The following MBOAT2 variants were observed in gnomAD, a reference collection of about 807,000 sequenced individuals.
MBOAT2 encodes the protein membrane bound glycerophospholipid O-acyltransferase 2.
In MBOAT2, 28 loss-of-function variants were observed where a neutral mutation model predicts 63.4. The observed-to-expected ratio is 0.44, with a 90% CI of 0.33 to 0.61. The LOEUF (loss-of-function observed/expected upper bound fraction) is 0.61, where lower values mean the gene tolerates loss of function less well. Among genes scored for constraint, MBOAT2 ranks in the 20% least tolerant of loss-of-function variants. The pLI is 0.03. For synonymous variants in MBOAT2, 211 were observed against 215.6 expected (o/e 0.98, Z 0.19); for missense variants, 470 against 605.8 (o/e 0.78, Z 2.35).
At chr2:8,974,000 T>C (rs556750060) in intron 1 of MBOAT2, among the ~76,000 whole-genome samples, 1 of 152,262 alleles carries the variant, frequency 6.6e-6, no homozygotes, top group South Asian at 2.1e-4. Context: ...TAAAGCATGG[T>C]ACATGAAGTG....
chr2:8,920,032 C>T (rs1666465069), intron 3 of MBOAT2, among the ~76,000 whole-genome samples: 1 of 152,156 alleles, frequency 6.6e-6, no homozygotes, highest in African/African-American at 2.4e-5. Flanking sequence ...TCCCAAAGTG[C>T]TGGGGTTACA....
At chr2:8,942,108 C>A (rs1668094445) in intron 3 of MBOAT2, among the ~76,000 whole-genome samples, 1 of 152,124 alleles carries the variant, frequency 6.6e-6, no homozygotes, top group South Asian at 2.1e-4. Context: ...ACATCAGGAA[C>A]TTGTAAGGGT....
intron 2 of MBOAT2, among the ~76,000 whole-genome samples, chr2:8,952,082 C>T (rs558762904): frequency 6.0e-4 from 91 of 152,288 alleles, no homozygotes; most frequent in African/African-American, 2.0e-3. Context: ...CCTCTTAACA[C>T]GCTTTTGCTG....
chr2:8,976,636 G>C (rs916588194), intron 1 of MBOAT2, among the ~76,000 whole-genome samples: 4 of 152,106 alleles, frequency 2.6e-5, no homozygotes, highest in Admixed American at 6.6e-5. Flanking sequence ...AGGAAGAAGG[G>C]GGATGAATAC....
At chr2:8,895,102 T>C (rs1340844397) in intron 4 of MBOAT2, among the ~76,000 whole-genome samples, 1 of 152,260 alleles carries the variant, frequency 6.6e-6, no homozygotes, top group Admixed American at 6.5e-5. Flanking sequence ...CAAGATTTAT[T>C]GTGAAGAGCA....
At chr2:8,907,920 C>T (rs889920533) in intron 4 of MBOAT2, among the ~76,000 whole-genome samples, 2 of 151,974 alleles carry the variant, frequency 1.3e-5, no homozygotes, top group African/African-American at 2.4e-5. Context: ...ATTTTTCCAA[C>T]ACACTTATCC....
At chr2:8,973,223 C>T (rs1670573940) in intron 1 of MBOAT2, among the ~76,000 whole-genome samples, 1 of 152,014 alleles carries the variant, frequency 6.6e-6, no homozygotes, top group South Asian at 2.1e-4. Flanking sequence ...TTTGTGGGGA[C>T]ATGGATGAAG....
chr2:8,929,819 C>T (rs565665002), intron 3 of MBOAT2, among the ~76,000 whole-genome samples: 6 of 152,192 alleles, frequency 3.9e-5, no homozygotes, highest in South Asian at 2.1e-4. Flanking sequence ...GGGCTCAGAA[C>T]GCTGTGAAAC....
intron 4 of MBOAT2, among the ~76,000 whole-genome samples, chr2:8,897,712 C>T (rs1664587763): frequency 6.6e-6 from 1 of 152,128 alleles, no homozygotes; most frequent in Admixed American, 6.6e-5. Flanking sequence ...AGGTTAAGGT[C>T]AGGATTAGCT....
chr2:8,950,897 T>C (rs1668778669), intron 2 of MBOAT2, among the ~76,000 whole-genome samples: 2 of 152,202 alleles, frequency 1.3e-5, no homozygotes, highest in Non-Finnish European at 2.9e-5. Context: ...ATTGAGATGA[T>C]CATATAGTTT....
intron 1 of MBOAT2, among the ~76,000 whole-genome samples, chr2:8,997,328 T>C (rs1672380430): frequency 6.6e-6 from 1 of 152,130 alleles, no homozygotes; most frequent in Non-Finnish European, 1.5e-5. Context: ...TTGAAGGAGA[T>C]GAAGGCTGTT....
chr2:8,860,562 T>C (rs1558543135), intron 12 of MBOAT2, 51 bp downstream of exon 12: 1 of 1,573,190 alleles, frequency 6.4e-7, no homozygotes, highest in South Asian at 1.2e-5. Context: ...AGAAACTTTC[T>C]TTTGAAAATA....
intron 10 of MBOAT2, among the ~76,000 whole-genome samples, chr2:8,863,718 CTT>C (rs1177711134): frequency 6.6e-6 from 1 of 152,166 alleles, no homozygotes; most frequent in Non-Finnish European, 1.5e-5. Flanking sequence ...GGAGCTGAGT[CTT>C]TTTATCTTAC....
Position 8,855,831 on chromosome 2 carries a change from T to C in MBOAT2, c.*2848A>G, listed in dbSNP as rs1284859187. On this transcript the variant is annotated 3_prime_UTR_variant, in exon 13 of 13. Coordinates refer to ENST00000305997, the MANE Select transcript of MBOAT2 (RefSeq NM_138799.4). ...ACCAAAAGTATAAATATGATGTTGATTGATCATCTCTAGAGTGATTTCATG... is the reference window on the plus strand; with the variant it reads ...ACCAAAAGTATAAATATGATGTTGACTGATCATCTCTAGAGTGATTTCATG... 2 of 152,208 alleles carry C rather than the reference T, an allele frequency of 1.3e-5. No homozygotes were observed. Among genetic ancestry groups the C allele is most frequent in the Non-Finnish European group, 2.9e-5 (2 of 68,046 alleles). The allele number at this position is 152,208 out of a possible 1,614,324, so 9.4% of individuals were successfully genotyped here. A position where few individuals can be genotyped will look rare whatever the true frequency, so the allele number is the denominator to read the frequency against.
At chr2:8,968,763 G>A (rs1670209322) in intron 1 of MBOAT2, among the ~76,000 whole-genome samples, 1 of 152,180 alleles carries the variant, frequency 6.6e-6, no homozygotes, top group Admixed American at 6.5e-5. Flanking sequence ...TCGAACAACT[G>A]GAAGAAAGGG....
chr2:8,894,995 T>A (rs1264879595), intron 4 of MBOAT2, among the ~76,000 whole-genome samples: 1 of 152,184 alleles, frequency 6.6e-6, no homozygotes, highest in Non-Finnish European at 1.5e-5. Context: ...TCCCAGTGGG[T>A]TCGTGGTCTT....
intron 4 of MBOAT2, among the ~76,000 whole-genome samples, chr2:8,906,976 T>G (rs776643444): frequency 4.6e-5 from 7 of 152,228 alleles, no homozygotes; most frequent in African/African-American, 1.2e-4. Flanking sequence ...CTCCGACACC[T>G]GCAGAACCTG....
chr2:8,955,431 TTTA>T (rs1669145786), intron 2 of MBOAT2, among the ~76,000 whole-genome samples: 1 of 152,206 alleles, frequency 6.6e-6, no homozygotes, highest in Non-Finnish European at 1.5e-5. Flanking sequence ...TTCACTCACT[TTTA>T]TCAACTGGAT....
chr2:8,869,234 A>G lies in MBOAT2; in HGVS notation c.884-685T>C, dbSNP rs552947438. Among the ~76,000 whole-genome samples, 9 of 132,292 alleles carry G rather than the reference A, an allele frequency of 6.8e-5. No homozygotes were observed. In the East Asian group the frequency reaches 1.3e-3, roughly 19 times the overall value. The allele number at this position is 132,292 out of a possible 152,430, so 86.8% of individuals were successfully genotyped here. On this transcript the variant is annotated intron_variant, in intron 8 of 12. Transcript: ENST00000305997. ...TTTTTTTTTTTTTTTTTTTGTAGAG[A>G]TGGGGGTCCCACTATGTTGCCAAGG...
Sources: allele counts gnomAD v4.1 joint callset (sites outside exome capture counted in the v4.1 genomes callset), GRCh38; gene constraint gnomAD v4.1.1; transcripts MANE v1.5; gene names NCBI Gene and HGNC (gene_info 2026-07-23, HGNC 2026-07-21).